Variants in MEIS1 observed in about 807,000 individuals in gnomAD.
The protein encoded by MEIS1 is Meis homeobox 1.
A neutral mutation model predicts 50.8 loss-of-function variants in MEIS1; 5 were observed. The observed-to-expected ratio is 0.10, with a 90% CI of 0.05 to 0.21. The LOEUF (loss-of-function observed/expected upper bound fraction) is 0.21, where lower values mean the gene tolerates loss of function less well. Among genes scored for constraint, MEIS1 ranks in the 10% least tolerant of loss-of-function variants. The pLI, the probability that MEIS1 is intolerant of heterozygous loss-of-function variation, is 1.00. For missense variants in MEIS1, 318 were observed against 517.3 expected (o/e 0.61, Z 3.74); for synonymous variants, 176 against 179.3 (o/e 0.98, Z 0.15).
chr2:66,472,271 G>A (rs1024286852), intron 7 of MEIS1, among the ~76,000 whole-genome samples: 29 of 152,174 alleles, frequency 1.9e-4, no homozygotes, highest in Admixed American at 6.5e-4. Flanking sequence ...AGGCAGAAGT[G>A]AGGAAGTTAA....
At chr2:66,564,065 A>C (rs1675280828) in intron 9 of MEIS1, among the ~76,000 whole-genome samples, 2 of 152,228 alleles carry the variant, frequency 1.3e-5, no homozygotes, top group South Asian at 4.1e-4. Flanking sequence ...AGATTACTAC[A>C]TCCTATATGT....
intron 6 of MEIS1, among the ~76,000 whole-genome samples, chr2:66,446,319 G>A (rs1202250908): frequency 1.3e-5 from 2 of 152,170 alleles, no homozygotes; most frequent in Non-Finnish European, 1.5e-5. Flanking sequence ...GGAGCAGTCG[G>A]CTTCCTTCCT....
intron 8 of MEIS1, among the ~76,000 whole-genome samples, chr2:66,517,850 T>C (rs1015693356): frequency 1.3e-5 from 2 of 152,222 alleles, no homozygotes; most frequent in Non-Finnish European, 2.9e-5. Context: ...TCTTAGCTGG[T>C]TATTGAAATC....
At chr2:66,484,536 T>G (rs1431746975) in intron 7 of MEIS1, among the ~76,000 whole-genome samples, 1 of 151,862 alleles carries the variant, frequency 6.6e-6, no homozygotes, top group East Asian at 2.0e-4. Flanking sequence ...AAAAGGAATT[T>G]TCTTTCTTTC....
Position 66,435,798 on chromosome 2 carries a change from A to C in MEIS1, c.-59A>C, listed in dbSNP as rs1421387536. ...GGAGTTTGAATATTTGTTTCTTTTCACACTGGCCTTAAAGAGGATATATTA... is the reference window on the plus strand; with the variant it reads ...GGAGTTTGAATATTTGTTTCTTTTCCCACTGGCCTTAAAGAGGATATATTA... On this transcript the variant is annotated 5_prime_UTR_variant, in exon 1 of 13. Transcript: ENST00000272369. The C allele has an allele frequency of 3.9e-6, 5 of 1,281,850 alleles. No homozygotes were observed. In the Admixed American group the frequency reaches 1.3e-4, roughly 32 times the overall value. 79.4% of individuals were successfully genotyped at this position (1,281,850 alleles called of 1,614,324 possible). A position where few individuals can be genotyped will look rare whatever the true frequency, so the allele number is the denominator to read the frequency against.
chr2:66,457,378 T>C (rs902464862), intron 6 of MEIS1, among the ~76,000 whole-genome samples: 3 of 152,062 alleles, frequency 2.0e-5, no homozygotes, highest in Non-Finnish European at 4.4e-5. Flanking sequence ...ACCAAGCATT[T>C]CAGTACGAGT....
Position 66,570,907 on chromosome 2 carries a change from C to T in MEIS1, c.*38-339C>T, listed in dbSNP as rs10199093. Reference sequence around the variant, plus strand: ...CCTGTGAGATGTTTGGTGACCAGCTCAGTGTATTCTTGTATTCTTGATAGA... The same window carrying T: ...CCTGTGAGATGTTTGGTGACCAGCTTAGTGTATTCTTGTATTCTTGATAGA... On this transcript the variant is annotated intron_variant, in intron 12 of 12. Transcript: ENST00000272369. 9.3e-3 allele frequency: 2,362 copies of T among 254,718 alleles called. 65 individuals carry two copies. Among genetic ancestry groups the T allele is most frequent in the African/African-American group, 0.052 (2,229 of 42,810 alleles). The allele number at this position is 254,718 out of a possible 1,614,324, so 15.8% of individuals were successfully genotyped here.
chr2:66,468,177 C>T (rs962771018), intron 7 of MEIS1, among the ~76,000 whole-genome samples: 5 of 152,108 alleles, frequency 3.3e-5, no homozygotes, highest in African/African-American at 9.7e-5. Context: ...ATGGCAGAGA[C>T]GTGTGGCTTT....
At chr2:66,479,190 C>G (rs1447783190) in intron 7 of MEIS1, among the ~76,000 whole-genome samples, 1 of 152,182 alleles carries the variant, frequency 6.6e-6, no homozygotes, top group Non-Finnish European at 1.5e-5. Context: ...AACAAAAATG[C>G]AAGTACTTGT....
At chr2:66,498,713 G>T (rs115487473) in intron 7 of MEIS1, among the ~76,000 whole-genome samples, 2,452 of 152,256 alleles carry the variant, frequency 0.016, 69 homozygotes, top group African/African-American at 0.055. Context: ...TCCCACTTCA[G>T]TGAGGCATTC....
At chr2:66,567,658 A>G in intron 10 of MEIS1, 147 bp downstream of exon 10, 1 of 742,416 alleles carries the variant, frequency 1.3e-6, no homozygotes, top group Non-Finnish European at 2.4e-6. Flanking sequence ...TCGTTTCATA[A>G]CAACACTAAT....
intron 9 of MEIS1, among the ~76,000 whole-genome samples, chr2:66,558,864 A>G (rs979966878): frequency 1.3e-5 from 2 of 152,144 alleles, no homozygotes; most frequent in Admixed American, 1.3e-4. Flanking sequence ...GATTAGGGCC[A>G]GGCACAGTGG....
intron 6 of MEIS1, among the ~76,000 whole-genome samples, chr2:66,462,403 T>C (rs1456746700): frequency 6.6e-6 from 1 of 152,216 alleles, no homozygotes; most frequent in East Asian, 1.9e-4. Flanking sequence ...CCCACATGTC[T>C]TGCTGGTCTT....
chr2:66,548,735 A>G (rs2103932630), intron 9 of MEIS1, among the ~76,000 whole-genome samples: 1 of 152,354 alleles, frequency 6.6e-6, no homozygotes, highest in Middle Eastern at 3.4e-3. Flanking sequence ...ATAATCACCC[A>G]GGACTAGTGT....
Position 66,571,250 on chromosome 2 carries a change from G to C in MEIS1, c.*42G>C, listed in dbSNP as rs1249248476. On this transcript the variant is annotated 3_prime_UTR_variant, in exon 13 of 13. Coordinates refer to ENST00000272369, the MANE Select transcript of MEIS1 (RefSeq NM_002398.3). The stretch of plus-strand genomic sequence containing the variant: ...TTTCTTTTGAATTTCTTACAGGGCT[G>C]CAAAGTATGCCAGGGGAGTATGTAG... 2 of 1,582,854 alleles carry C rather than the reference G, an allele frequency of 1.3e-6. No individual in the cohort carries two copies. Among genetic ancestry groups the C allele is most frequent in the Non-Finnish European group, 8.6e-7 (1 of 1,165,152 alleles).
At chr2:66,485,122 A>C (rs1016303180) in intron 7 of MEIS1, among the ~76,000 whole-genome samples, 1 of 151,938 alleles carries the variant, frequency 6.6e-6, no homozygotes, top group African/African-American at 2.4e-5. Context: ...AATATACTTT[A>C]AGTTCTGGGA....
At chr2:66,512,024 A>G (rs1438607996) in intron 7 of MEIS1, 125 bp from the exon 8 acceptor site, 1 of 1,119,288 alleles carries the variant, frequency 8.9e-7, no homozygotes, top group Non-Finnish European at 1.2e-6. Flanking sequence ...ACAAAAAAAC[A>G]GTACCAAAGA....
At chr2:66,564,776 G>A (rs28516722) in intron 9 of MEIS1, among the ~76,000 whole-genome samples, 2,558 of 151,678 alleles carry the variant, frequency 0.017, 80 homozygotes, top group African/African-American at 0.059. Flanking sequence ...ACAACGTGCA[G>A]GTTTGTTACA....
chr2:66,440,138 G>T, intron 3 of MEIS1, 154 bp downstream of exon 3: 1 of 748,942 alleles, frequency 1.3e-6, no homozygotes, highest in Non-Finnish European at 2.1e-6. Context: ...CTTAAGCCAT[G>T]CATGTTACCT....
Sources: gnomAD v4.1 joint callset for allele counts (sites outside exome capture counted in the v4.1 genomes callset) on GRCh38, gnomAD v4.1.1 for gene constraint, MANE v1.5 for transcripts, NCBI Gene and HGNC (gene_info 2026-07-23, HGNC 2026-07-21) for gene names.